Variants in FRMD3 observed in about 807,000 individuals in gnomAD.
FRMD3 encodes FERM domain containing 3, also known as FERM domain-containing protein 3.
In FRMD3, 33 loss-of-function variants were observed where a neutral mutation model predicts 70.2. That is an observed-to-expected ratio of 0.47 (90% CI 0.36 to 0.63). The LOEUF is 0.63. Among genes scored for constraint, FRMD3 ranks in the 20% least tolerant of loss-of-function variants. The probability of loss-of-function intolerance (pLI) is 0.00; values close to 1 mark genes in which losing one functional copy is unlikely to be tolerated. For synonymous variants in FRMD3, 279 were observed against 255.9 expected (o/e 1.09, Z -0.86); for missense variants, 632 against 711.4 (o/e 0.89, Z 1.27).
At chr9:83,439,977 A>C (rs1827249983) in intron 1 of FRMD3, among the ~76,000 whole-genome samples, 1 of 152,186 alleles carries the variant, frequency 6.6e-6, no homozygotes, top group African/African-American at 2.4e-5. Flanking sequence ...GCTTTCCAAG[A>C]TCCATCTCAA....
chr9:83,480,436 C>T (rs1447864501), intron 1 of FRMD3, among the ~76,000 whole-genome samples: 1 of 151,308 alleles, frequency 6.6e-6, no homozygotes, highest in Non-Finnish European at 1.5e-5. Flanking sequence ...ATAAAAAATA[C>T]AGTGTAACAG....
intron 2 of FRMD3, among the ~76,000 whole-genome samples, chr9:83,381,847 C>T (rs1044132165): frequency 6.6e-6 from 1 of 152,160 alleles, no homozygotes; most frequent in Non-Finnish European, 1.5e-5. Flanking sequence ...ACATGGATCT[C>T]TTTCACAACT....
chr9:83,340,074 T>C (rs7032234), intron 5 of FRMD3, among the ~76,000 whole-genome samples: 51,502 of 151,946 alleles, frequency 0.34, 9,054 homozygotes, highest in African/African-American at 0.41. Flanking sequence ...GGTGTGGTGG[T>C]GCACACCTGT....
chr9:83,430,187 C>G (rs1826930979), intron 1 of FRMD3, among the ~76,000 whole-genome samples: 2 of 152,308 alleles, frequency 1.3e-5, no homozygotes, highest in Non-Finnish European at 2.9e-5. Context: ...TAACTCCTTC[C>G]CTGCTCCTGT....
intron 1 of FRMD3, among the ~76,000 whole-genome samples, chr9:83,443,115 CT>C (rs1827352429): frequency 1.3e-5 from 2 of 152,170 alleles, no homozygotes; most frequent in South Asian, 2.1e-4. Flanking sequence ...TTATCTTTCA[CT>C]TTTTTTGTAT....
chr9:83,380,070 A>C (rs1210603419), intron 2 of FRMD3, among the ~76,000 whole-genome samples: 1 of 152,204 alleles, frequency 6.6e-6, no homozygotes, highest in Non-Finnish European at 1.5e-5. Flanking sequence ...CCAGACCTAA[A>C]ACAGCCTCCC....
intron 1 of FRMD3, among the ~76,000 whole-genome samples, chr9:83,412,148 G>GT (rs57129668): frequency 0.19 from 28,697 of 152,092 alleles, 3,046 homozygotes; most frequent in African/African-American, 0.28. Flanking sequence ...ATCAACAACA[G>GT]TGTTGTTCTC....
intron 1 of FRMD3, among the ~76,000 whole-genome samples, chr9:83,440,144 A>G (rs1827253875): frequency 6.6e-6 from 1 of 152,160 alleles, no homozygotes; most frequent in South Asian, 2.1e-4. Context: ...ACCAGACCCA[A>G]TTTCTTTGTA....
At chr9:83,562,794 C>G in the FRMD3 span, among the ~76,000 whole-genome samples, 1 of 152,032 alleles carries the variant, frequency 6.6e-6, no homozygotes, top group Non-Finnish European at 1.5e-5. Flanking sequence ...TCAGAATTGG[C>G]AGAAACTTAA....
chr9:83,561,599 A>AG, the FRMD3 span, among the ~76,000 whole-genome samples: 2 of 152,218 alleles, frequency 1.3e-5, no homozygotes, highest in African/African-American at 4.8e-5. Flanking sequence ...GTCAGCTTCC[A>AG]TTCAGGAACC....
chr9:83,444,514 T>C (rs1002913518), intron 1 of FRMD3, among the ~76,000 whole-genome samples: 7 of 152,206 alleles, frequency 4.6e-5, no homozygotes, highest in African/African-American at 1.7e-4. Context: ...TCAAATTTCA[T>C]GTTTCCTTTG....
intron 5 of FRMD3, among the ~76,000 whole-genome samples, chr9:83,341,459 TA>T (rs1360315468): frequency 6.6e-6 from 1 of 152,118 alleles, no homozygotes; most frequent in African/African-American, 2.4e-5. Context: ...CACTAATGCC[TA>T]AATGCATTCT....
At chr9:83,267,956 T>C (rs1382715015) in intron 13 of FRMD3, among the ~76,000 whole-genome samples, 3 of 152,214 alleles carry the variant, frequency 2.0e-5, no homozygotes, top group Non-Finnish European at 4.4e-5. Context: ...TGCTAATCTT[T>C]TCTTCACTTT....
chr9:83,311,770 A>C (rs1205346193), intron 8 of FRMD3, 117 bp downstream of exon 8: 27 of 773,918 alleles, frequency 3.5e-5, no homozygotes, highest in Non-Finnish European at 6.0e-5. Context: ...ATGAAGCTCC[A>C]AGGCAAGGAA....
intron 13 of FRMD3, among the ~76,000 whole-genome samples, chr9:83,249,676 G>T (rs1294392541): frequency 6.6e-6 from 1 of 152,094 alleles, no homozygotes; most frequent in African/African-American, 2.4e-5. Flanking sequence ...ATATACAAAA[G>T]GTCAACAAGC....
intron 1 of FRMD3, among the ~76,000 whole-genome samples, chr9:83,515,577 T>C (rs1209410228): frequency 6.6e-6 from 1 of 152,154 alleles, no homozygotes. Context: ...TTCCCCAACC[T>C]AGCAAGACAG....
Position 83,324,466 on chromosome 9 carries a change from C to T in FRMD3, c.597-10719G>A, listed in dbSNP as rs1035970029. Among the ~76,000 whole-genome samples, 5 of 152,208 alleles carry T rather than the reference C, an allele frequency of 3.3e-5. No individual in the cohort carries two copies. In the East Asian group the frequency reaches 9.6e-4, roughly 29 times the overall value. ...TTTCAATTATTCTTTAAATCCCACA[C>T]ATATTGTATATACTCTGAAAATGCT... On this transcript the variant is annotated intron_variant, in intron 6 of 13. Coordinates refer to ENST00000304195, the MANE Select transcript of FRMD3 (RefSeq NM_174938.6).
intron 13 of FRMD3, among the ~76,000 whole-genome samples, chr9:83,258,615 G>A (rs549255485): frequency 6.6e-6 from 1 of 152,340 alleles, no homozygotes; most frequent in African/African-American, 2.4e-5. Flanking sequence ...ACAATATGGT[G>A]ACATCAGAAT....
intron 1 of FRMD3, among the ~76,000 whole-genome samples, chr9:83,425,338 T>C (rs1587840753): frequency 6.6e-6 from 1 of 152,150 alleles, no homozygotes; most frequent in Non-Finnish European, 1.5e-5. Flanking sequence ...ACGTGACAAC[T>C]GGTATGAGCA....
Sources: allele counts gnomAD v4.1 joint callset (sites outside exome capture counted in the v4.1 genomes callset), GRCh38; gene constraint gnomAD v4.1.1; transcripts MANE v1.5; gene names NCBI Gene and HGNC (gene_info 2026-07-23, HGNC 2026-07-21).